Variants in SMG5 observed in about 807,000 individuals in gnomAD.
SMG5 encodes nonsense-mediated mRNA decay factor SMG5.
SMG5 carries 53 observed loss-of-function variants against 122.9 expected under a neutral mutation model. The ratio of observed to expected loss-of-function variants is 0.43; its 90% CI spans 0.35 to 0.54. The LOEUF is 0.54. Ranked by LOEUF, SMG5 falls within the 20% of genes least tolerant of loss-of-function variation. SMG5 has a pLI of 0.01. For missense variants in SMG5, 1,153 were observed against 1,285.6 expected, an observed-to-expected ratio of 0.90 and a Z score of 1.58; for synonymous variants, 477 against 490.2, an observed-to-expected ratio of 0.97 and a Z score of 0.35.
chr1:156,282,765 G>T lies in SMG5; in HGVS notation c.-85C>A. 7.1e-7 allele frequency: 1 copy of T among 1,406,730 alleles called. No homozygotes were observed. Among genetic ancestry groups the T allele is most frequent in the Non-Finnish European group, 9.5e-7 (1 of 1,052,300 alleles). The allele number at this position is 1,406,730 out of a possible 1,614,324, so 87.1% of individuals were successfully genotyped here. ...AACACTGCCGTCTCCGGCCGTAGCCGCAGCCGCCGCCGCCACCGGCCCTGC... is the reference window on the plus strand; with the variant it reads ...AACACTGCCGTCTCCGGCCGTAGCCTCAGCCGCCGCCGCCACCGGCCCTGC... On this transcript the variant is annotated 5_prime_UTR_variant, in exon 1 of 22. Coordinates refer to ENST00000361813, the MANE Select transcript of SMG5 (RefSeq NM_015327.3).
chr1:156,268,698 A>G (rs970402884), intron 7 of SMG5, among the ~76,000 whole-genome samples: 2 of 152,232 alleles, frequency 1.3e-5, no homozygotes, highest in Non-Finnish European at 2.9e-5. Context: ...CCATCCCTGA[A>G]ATACACTATC....
At position 156,250,967 on chromosome 1, in the gene SMG5, T is replaced by A. The variant is rs751801534; in HGVS notation, c.2858A>T (p.Lys953Ile). ...WTLYKILDSC[K>I]QLTLAQGAGE... ...TGCCCCCTGGGCCAGAGTCAGCTGT[T>A]TGCAGCTGTCTAGGATCTTATAGAG... The change falls in exon 21 of 22, where the codon AAA (lysine) becomes ATA (isoleucine). Residue 953 changes from lysine to isoleucine, a missense_variant. Lys to Ile is a moderately radical substitution (Grantham distance 102, BLOSUM62 -3). Coordinates refer to ENST00000361813, the MANE Select transcript of SMG5 (RefSeq NM_015327.3). The A allele has an allele frequency of 1.9e-6, 3 of 1,613,984 alleles. No individual in the cohort carries two copies. In the South Asian group the frequency reaches 3.3e-5, roughly 18 times the overall value.
chr1:156,274,509 A>T, intron 5 of SMG5, 88 bp downstream of exon 5: 1 of 1,203,450 alleles, frequency 8.3e-7, no homozygotes, highest in East Asian at 2.4e-5. Flanking sequence ...CTGCTCTCCA[A>T]CCATGTAATG....
chr1:156,289,338 G>T, the SMG5 span, among the ~76,000 whole-genome samples: 1 of 152,134 alleles, frequency 6.6e-6, no homozygotes, highest in African/African-American at 2.4e-5. Context: ...GCCGGGTGTG[G>T]TGATGGGCGC....
At chr1:156,286,303 T>C, upstream of SMG5, 3 of 1,614,228 alleles carry the variant, frequency 1.9e-6, no homozygotes, top group Non-Finnish European at 2.5e-6. Context: ...TTTCTGCCCT[T>C]CGGCCCTTTG....
intron 5 of SMG5, among the ~76,000 whole-genome samples, chr1:156,274,328 T>C (rs1662581762): frequency 6.6e-6 from 1 of 152,200 alleles, no homozygotes; most frequent in Non-Finnish European, 1.5e-5. Context: ...ATTAAAATCT[T>C]CCCAACCCAC....
At position 156,259,056 on chromosome 1, in the gene SMG5, G is replaced by A. The variant is rs772905496; in HGVS notation, c.2391C>T (p.Ala797=). The change falls in exon 16 of 22, where the codon GCC becomes GCT. Residue 797 remains alanine, a synonymous_variant. Transcript: ENST00000361813. ...GCAGCAGGCTCTCCTGCTCAGACTG[G>A]GCAATGCTGACGAAGATGCCAACCT... ...NPEVGIFVSI[A]QSEQESLLQQ... 118 of 1,613,126 alleles carry A rather than the reference G, an allele frequency of 7.3e-5. No individual in the cohort carries two copies. The highest frequency in any genetic ancestry group is 9.4e-5 in the Non-Finnish European group (111 of 1,179,712).
At chr1:156,275,815 G>GTTT (rs5777975) in intron 4 of SMG5, among the ~76,000 whole-genome samples, 1 of 141,556 alleles carries the variant, frequency 7.1e-6, no homozygotes, top group Non-Finnish European at 1.5e-5. Context: ...TAATGTGGTG[G>GTTT]TTTTTTTTTT....
chr1:156,252,574 G>A lies in SMG5; in HGVS notation c.2663-70C>T, dbSNP rs115761176. 1,072 of 1,493,306 alleles carry A rather than the reference G, an allele frequency of 7.2e-4. 8 individuals carry two copies. In the African/African-American group the frequency reaches 0.013, roughly 19 times the overall value. The allele number at this position is 1,493,306 out of a possible 1,614,324, so 92.5% of individuals were successfully genotyped here. The stretch of plus-strand genomic sequence containing the variant: ...GCTGTGACAAGGGGCTCTGGAGGAA[G>A]TATCTGAGCTCACCTCAGTACACTC... On this transcript the variant is annotated intron_variant, in intron 18 of 21. Transcript: ENST00000361813.
chr1:156,267,618 G>A lies in SMG5; in HGVS notation c.969C>T (p.Cys323=), dbSNP rs7530192. 2,575 of 1,613,554 alleles carry A rather than the reference G, an allele frequency of 1.6e-3. 45 individuals carry two copies. The African/African-American group carries it at 0.031, about 19-fold the overall frequency. Reference sequence around the variant, plus strand: ...TGGGTGAGGAGGGCAGGTAGAAGAGGCAGAGGTTGAAGTCCTCCAGGACTG... The same window carrying A: ...TGGGTGAGGAGGGCAGGTAGAAGAGACAGAGGTTGAAGTCCTCCAGGACTG... ...CQSVLEDFNL[C]LFYLPSSPNL... The change falls in exon 10 of 22, where the codon TGC becomes TGT. Residue 323 remains cysteine (C), a synonymous_variant. Coordinates refer to ENST00000361813, the MANE Select transcript of SMG5 (RefSeq NM_015327.3).
rs186898339 is a variant in SMG5, at chr1:156,280,452, T to A, written c.75-1418A>T. ...GCACCCAGCAGAGTAGGTGGGATGG[T>A]AATCGATACCTTCTCACAAGCAATC... On this transcript the variant is annotated intron_variant, in intron 1 of 21. Transcript: ENST00000361813. Among the ~76,000 whole-genome samples the A allele has an allele frequency of 3.4e-4, 52 of 152,344 alleles. 1 individual carries two copies. The East Asian group carries it at 5.0e-3, about 15-fold the overall frequency.
At chr1:156,281,353 T>C (rs1662925859) in intron 1 of SMG5, among the ~76,000 whole-genome samples, 1 of 152,182 alleles carries the variant, frequency 6.6e-6, no homozygotes, top group African/African-American at 2.4e-5. Flanking sequence ...CAAGGAATAT[T>C]GCAGACACTG....
chr1:156,280,992 T>A (rs554787259), intron 1 of SMG5, among the ~76,000 whole-genome samples: 3 of 152,378 alleles, frequency 2.0e-5, no homozygotes, highest in South Asian at 2.1e-4. Context: ...CAGAATTTCA[T>A]ATCCGTAAAC....
intron 1 of SMG5, among the ~76,000 whole-genome samples, chr1:156,281,876 T>C (rs1371107127): frequency 1.3e-5 from 2 of 152,180 alleles, no homozygotes; most frequent in Admixed American, 1.3e-4. Context: ...ATGTGACTTG[T>C]GGAGCGTGGG....
chr1:156,259,161 T>C lies in SMG5; in HGVS notation c.2286A>G (p.Ser762=), dbSNP rs1386552805. 6.4e-7 allele frequency: 1 copy of C among 1,572,720 alleles called. No homozygotes were observed. The highest frequency in any genetic ancestry group is 1.2e-5 in the South Asian group (1 of 83,586). The change falls in exon 16 of 22, where the codon TCA becomes TCG. Residue 762 remains serine (S), a splice_region_variant and synonymous_variant. Transcript: ENST00000361813. ...DRPLLSTLEE[S]VVRICCIRSF... Reference sequence around the variant, plus strand: ...TGCGGATGCAGCAGATGCGCACCACTGACTGTGGGGAGATACAGGAGCCCA... The same window carrying C: ...TGCGGATGCAGCAGATGCGCACCACCGACTGTGGGGAGATACAGGAGCCCA...
At position 156,265,432 on chromosome 1, in the gene SMG5, T is replaced by C. The variant is rs80283864; in HGVS notation, c.1855+349A>G. Among the ~76,000 whole-genome samples the C allele has an allele frequency of 1.4e-4, 22 of 152,344 alleles. No individual in the cohort carries two copies. The East Asian group carries it at 4.1e-3, about 28-fold the overall frequency. The stretch of plus-strand genomic sequence containing the variant: ...AAGTCTCACTCTAATGCACCTGCGC[T>C]GGTGGGTACCAGTTTTTCTAGCTTC... On this transcript the variant is annotated intron_variant, in intron 12 of 21. Transcript: ENST00000361813.
upstream of SMG5, chr1:156,286,534 T>A: frequency 6.4e-7 from 1 of 1,553,870 alleles, no homozygotes; most frequent in East Asian, 2.2e-5. Context: ...CCTAGGCATC[T>A]GAATGTCTGG....
intron 1 of SMG5, among the ~76,000 whole-genome samples, chr1:156,279,376 T>C (rs1473121937): frequency 1.3e-5 from 2 of 152,142 alleles, no homozygotes; most frequent in African/African-American, 4.8e-5. Flanking sequence ...AGCATTACCC[T>C]ACCCAAAATG....
chr1:156,258,810 C>A (rs1005881798), intron 16 of SMG5, among the ~76,000 whole-genome samples, 195 bp downstream of exon 16: 58 of 150,874 alleles, frequency 3.8e-4, no homozygotes, highest in South Asian at 1.9e-3. Context: ...AAAAAAAAAA[C>A]CCCTCTCAGT....
Sources: allele counts gnomAD v4.1 joint callset (sites outside exome capture counted in the v4.1 genomes callset), GRCh38; gene constraint gnomAD v4.1.1; transcripts MANE v1.5; gene names NCBI Gene and HGNC (gene_info 2026-07-23, HGNC 2026-07-21).